SPACDR: variants seen among roughly 807,000 people sequenced by gnomAD.
SPACDR encodes uncharacterized protein C7orf61.
the SPACDR span, chr7:100,463,642 G>T: frequency 1.2e-6 from 2 of 1,613,922 alleles, no homozygotes; most frequent in Admixed American, 1.7e-5. Flanking sequence ...TGGAGTCAGG[G>T]TGTCCTGAGA....
At chr7:100,459,947 TG>T in the SPACDR span, among the ~76,000 whole-genome samples, 1 of 151,736 alleles carries the variant, frequency 6.6e-6, no homozygotes, top group Non-Finnish European at 1.5e-5. Flanking sequence ...TGGAGTACAG[TG>T]GCGCTATTTC....
chr7:100,460,033 G>A, the SPACDR span, among the ~76,000 whole-genome samples: 8 of 151,892 alleles, frequency 5.3e-5, no homozygotes, highest in African/African-American at 1.9e-4. Context: ...GGGACTACAG[G>A]CACCCGCCAC....
the SPACDR span, among the ~76,000 whole-genome samples, chr7:100,457,851 A>ATT: frequency 1.0e-4 from 3 of 29,612 alleles, no homozygotes; most frequent in African/African-American, 3.9e-4. Flanking sequence ...GTATATATAT[A>ATT]TATATATTTT....
At chr7:100,457,799 ATATATGTGTGTG>A in the SPACDR span, among the ~76,000 whole-genome samples, 3 of 45,790 alleles carry the variant, frequency 6.6e-5, no homozygotes, top group African/African-American at 9.0e-5. Flanking sequence ...TTTTATATAT[ATATATGTGTGTG>A]TGTGTGTGTG....
At chr7:100,463,828 G>A in the SPACDR span, 26 of 1,274,924 alleles carry the variant, frequency 2.0e-5, no homozygotes, top group South Asian at 2.6e-4. Context: ...CTCCCCAGCT[G>A]TCCTTTCCTT....
At chr7:100,463,062 C>T in the SPACDR span, among the ~76,000 whole-genome samples, 1 of 149,976 alleles carries the variant, frequency 6.7e-6, no homozygotes, top group Admixed American at 6.7e-5. Context: ...CGAGATCACG[C>T]TACTGCACTC....
At chr7:100,464,226 C>A in the SPACDR span, 3 of 1,449,698 alleles carry the variant, frequency 2.1e-6, no homozygotes, top group Non-Finnish European at 2.7e-6. Flanking sequence ...GACCTTTTCT[C>A]CCCTCCCTGG....
At chr7:100,461,852 G>T in the SPACDR span, among the ~76,000 whole-genome samples, 1 of 151,744 alleles carries the variant, frequency 6.6e-6, no homozygotes, top group South Asian at 2.1e-4. Flanking sequence ...ATTTAGCTGG[G>T]CGTGGTGGCG....
chr7:100,456,852 C>T, the SPACDR span: 178 of 1,613,068 alleles, frequency 1.1e-4, no homozygotes, highest in Non-Finnish European at 1.3e-4. Flanking sequence ...CTCCTGCCTG[C>T]GGTACAGCCG....
chr7:100,463,486 C>G, the SPACDR span: 24 of 1,613,792 alleles, frequency 1.5e-5, no homozygotes, highest in Non-Finnish European at 1.9e-5. Context: ...CCACCTCGGT[C>G]TCCTCTGTAG....
the SPACDR span, among the ~76,000 whole-genome samples, chr7:100,458,205 TG>T: frequency 1.0e-5 from 1 of 99,444 alleles, no homozygotes; most frequent in East Asian, 2.1e-4. Context: ...GGTGTGTGTG[TG>T]TGTGTGTGTG....
the SPACDR span, among the ~76,000 whole-genome samples, chr7:100,459,118 C>T: frequency 2.3e-4 from 34 of 150,554 alleles, no homozygotes; most frequent in Non-Finnish European, 3.5e-4. Flanking sequence ...ATTCTCCTGC[C>T]TCAGCCTCCC....
the SPACDR span, among the ~76,000 whole-genome samples, chr7:100,461,550 T>C: frequency 6.6e-6 from 1 of 151,646 alleles, no homozygotes; most frequent in African/African-American, 2.4e-5. Context: ...AGTGTTGGGA[T>C]TACAGGCATG....
chr7:100,463,333 A>G, the SPACDR span: 5 of 1,519,164 alleles, frequency 3.3e-6, no homozygotes, highest in Admixed American at 8.3e-5. Flanking sequence ...GGCTGGGGAA[A>G]GAGGGAGGGG....
the SPACDR span, among the ~76,000 whole-genome samples, chr7:100,461,777 C>G: frequency 4.6e-5 from 7 of 151,858 alleles, no homozygotes; most frequent in Non-Finnish European, 8.8e-5. Context: ...ATCACGAGGT[C>G]AGGAGATCAA....
the SPACDR span, among the ~76,000 whole-genome samples, chr7:100,461,912 G>A: frequency 2.7e-5 from 4 of 147,952 alleles, no homozygotes; most frequent in African/African-American, 5.0e-5. Flanking sequence ...AGAACGGTGT[G>A]AACCCAGGAG....
chr7:100,459,227 G>A, the SPACDR span, among the ~76,000 whole-genome samples: 27 of 151,446 alleles, frequency 1.8e-4, no homozygotes, highest in African/African-American at 6.5e-4. Context: ...AGTCAGGATG[G>A]TCTTGATCTC....
chr7:100,456,869 G>C, the SPACDR span: 1 of 1,613,632 alleles, frequency 6.2e-7, no homozygotes. Flanking sequence ...GCCGGCGCAG[G>C]TGTTTCCGAA....
chr7:100,464,032 T>C, the SPACDR span: 1 of 1,572,064 alleles, frequency 6.4e-7, no homozygotes, highest in Admixed American at 1.9e-5. Flanking sequence ...CCATCTCTCT[T>C]GATGGGAAAA....
Sources: gnomAD v4.1 joint callset for allele counts (sites outside exome capture counted in the v4.1 genomes callset) on GRCh38, gnomAD v4.1.1 for gene constraint, MANE v1.5 for transcripts, NCBI Gene and HGNC (gene_info 2026-07-23, HGNC 2026-07-21) for gene names.